The following ERC2 variants were observed in gnomAD, a reference collection of about 807,000 sequenced individuals.
ERC2 encodes ERC protein 2.
In ERC2, 42 loss-of-function variants were observed where a neutral mutation model predicts 114.8. The ratio of observed to expected loss-of-function variants is 0.37; its 90% CI spans 0.29 to 0.47. The LOEUF (loss-of-function observed/expected upper bound fraction) is 0.47, where lower values mean the gene tolerates loss of function less well. ERC2 is among the 20% of genes least tolerant of loss of function. The pLI, the probability that ERC2 is intolerant of heterozygous loss-of-function variation, is 0.99. For missense variants in ERC2, 939 were observed against 1,150.7 expected (o/e 0.82, Z 2.66); for synonymous variants, 454 against 425.5 (o/e 1.07, Z -0.82).
At chr3:55,675,594 G>C (rs2148751040) in intron 17 of ERC2, among the ~76,000 whole-genome samples, 1 of 152,280 alleles carries the variant, frequency 6.6e-6, no homozygotes, top group Middle Eastern at 3.4e-3. Context: ...GGCTGGAGTT[G>C]CTTTCCCTGA....
At chr3:55,814,308 G>C (rs923175474) in intron 14 of ERC2, among the ~76,000 whole-genome samples, 1 of 152,024 alleles carries the variant, frequency 6.6e-6, no homozygotes, top group Non-Finnish European at 1.5e-5. Context: ...AATCCTATAC[G>C]ATACACAAAG....
chr3:55,751,125 C>T lies in ERC2; in HGVS notation c.2565-16207G>A, dbSNP rs549268180. ...CTATCAGGGTATGTGTGAGGAACAT[C>T]CTCTTCTGTTCTGCATAGGTAAGGG... On this transcript the variant is annotated intron_variant, in intron 14 of 17. Coordinates refer to ENST00000288221, the MANE Select transcript of ERC2 (RefSeq NM_015576.3). Among the ~76,000 whole-genome samples, 35 of 152,268 alleles carry T rather than the reference C, an allele frequency of 2.3e-4. No individual in the cohort carries two copies. In the South Asian group the frequency reaches 5.8e-3, roughly 25 times the overall value.
intron 7 of ERC2, among the ~76,000 whole-genome samples, chr3:56,056,883 T>C (rs1160351235): frequency 6.6e-6 from 1 of 152,202 alleles, no homozygotes. Context: ...TGTACTGAGC[T>C]CTTTTCACTC....
chr3:55,783,239 G>A (rs549111813), intron 14 of ERC2, among the ~76,000 whole-genome samples: 4 of 152,294 alleles, frequency 2.6e-5, no homozygotes, highest in East Asian at 1.9e-4. Flanking sequence ...GCATGGGCTC[G>A]GCAGGCTGAC....
intron 17 of ERC2, among the ~76,000 whole-genome samples, chr3:55,575,003 A>ACTTT (rs934478995): frequency 2.6e-5 from 4 of 151,978 alleles, no homozygotes; most frequent in East Asian, 1.9e-4. Flanking sequence ...CAGAAGGTGC[A>ACTTT]CTTTCTTTCT....
chr3:56,161,062 T>G (rs1257248171), intron 4 of ERC2, among the ~76,000 whole-genome samples: 4 of 152,164 alleles, frequency 2.6e-5, no homozygotes, highest in African/African-American at 9.7e-5. Flanking sequence ...CATGAATGGT[T>G]TAACACCATC....
intron 12 of ERC2, among the ~76,000 whole-genome samples, chr3:55,981,511 T>C (rs1275794749): frequency 6.6e-6 from 1 of 152,194 alleles, no homozygotes; most frequent in South Asian, 2.1e-4. Flanking sequence ...GGAGGGATCA[T>C]GTCAGTTTTA....
chr3:56,105,222 A>C (rs4974167), intron 6 of ERC2, among the ~76,000 whole-genome samples: 33,787 of 152,054 alleles, frequency 0.22, 4,709 homozygotes, highest in Admixed American at 0.31. Context: ...TGGGGTAAGG[A>C]CAGGGATGAA....
At chr3:55,915,090 CAT>C (rs1400157033) in intron 13 of ERC2, among the ~76,000 whole-genome samples, 1 of 152,038 alleles carries the variant, frequency 6.6e-6, no homozygotes. Flanking sequence ...TGCTCATATC[CAT>C]AGTGTCCTGA....
intron 14 of ERC2, among the ~76,000 whole-genome samples, chr3:55,858,938 C>T (rs997778368): frequency 6.6e-6 from 1 of 152,176 alleles, no homozygotes; most frequent in African/African-American, 2.4e-5. Context: ...ACCAGATGTC[C>T]TCCTGACCCC....
intron 3 of ERC2, among the ~76,000 whole-genome samples, chr3:56,261,005 C>T (rs1053945699): frequency 6.6e-6 from 1 of 152,236 alleles, no homozygotes; most frequent in Non-Finnish European, 1.5e-5. Flanking sequence ...AGCCACTGTT[C>T]AAGTGTTCAA....
At chr3:55,713,116 CTCTCTCTCTCTG>C (rs1278904867) in intron 15 of ERC2, among the ~76,000 whole-genome samples, 10 of 114,998 alleles carry the variant, frequency 8.7e-5, no homozygotes, top group African/African-American at 3.6e-4. Flanking sequence ...CTCTCTCTCT[CTCTCTCTCTCTG>C]TCTCACACAC....
chr3:55,911,607 T>A (rs1576158198), intron 13 of ERC2, among the ~76,000 whole-genome samples: 1 of 152,246 alleles, frequency 6.6e-6, no homozygotes, highest in East Asian at 1.9e-4. Context: ...CCCATATTGC[T>A]TGGAGGACCA....
chr3:56,237,425 A>C (rs1016887229), intron 3 of ERC2, among the ~76,000 whole-genome samples: 1 of 152,172 alleles, frequency 6.6e-6, no homozygotes, highest in African/African-American at 2.4e-5. Context: ...CCACCCTTTG[A>C]TCAGGGAGAA....
At chr3:55,737,778 G>T in intron 14 of ERC2, among the ~76,000 whole-genome samples, 1 of 152,142 alleles carries the variant, frequency 6.6e-6, no homozygotes, top group East Asian at 1.9e-4. Flanking sequence ...ACAAGCACAG[G>T]CACTATTTTC....
At chr3:56,027,818 T>C (rs1156873764) in intron 7 of ERC2, among the ~76,000 whole-genome samples, 1 of 152,168 alleles carries the variant, frequency 6.6e-6, no homozygotes, top group Non-Finnish European at 1.5e-5. Context: ...AATTTATCAG[T>C]CTTTCCTTTC....
intron 3 of ERC2, among the ~76,000 whole-genome samples, chr3:56,211,112 A>G (rs966711106): frequency 6.6e-6 from 1 of 152,160 alleles, no homozygotes; most frequent in Non-Finnish European, 1.5e-5. Flanking sequence ...CAATCATACA[A>G]GAGAAAGAAA....
intron 16 of ERC2, among the ~76,000 whole-genome samples, chr3:55,690,634 TA>T (rs2062593575): frequency 6.7e-6 from 1 of 149,668 alleles, no homozygotes; most frequent in Non-Finnish European, 1.5e-5. Context: ...GACAAATCAG[TA>T]AAAGAAAAAA....
intron 2 of ERC2, among the ~76,000 whole-genome samples, chr3:56,339,020 G>A (rs1054853148): frequency 6.6e-6 from 1 of 152,160 alleles, no homozygotes; most frequent in South Asian, 2.1e-4. Flanking sequence ...GGTTTCAATA[G>A]CCTCGAGTCC....
Sources: allele counts gnomAD v4.1 joint callset (sites outside exome capture counted in the v4.1 genomes callset), GRCh38; gene constraint gnomAD v4.1.1; transcripts MANE v1.5; gene names NCBI Gene and HGNC (gene_info 2026-07-23, HGNC 2026-07-21).